Variants in GLIS3 observed in about 807,000 individuals in gnomAD.
GLIS3 encodes GLIS family zinc finger 3.
Under a neutral mutation model 78.6 loss-of-function variants are expected in GLIS3, and 53 were observed. That is an observed-to-expected ratio of 0.67 (90% CI 0.54 to 0.85). GLIS3 has a LOEUF of 0.85. Among genes scored for constraint, GLIS3 ranks in the 40% least tolerant of loss-of-function variants. GLIS3 has a pLI of 0.00. For synonymous variants in GLIS3, 684 were observed against 509.9 expected (o/e 1.34, Z -4.60); for missense variants, 1,703 against 1,231.1 (o/e 1.38, Z -5.74).
At chr9:3,832,175 C>T (rs935049629) in intron 9 of GLIS3, among the ~76,000 whole-genome samples, 1 of 149,878 alleles carries the variant, frequency 6.7e-6, no homozygotes, top group Non-Finnish European at 1.5e-5. Flanking sequence ...TTAATACTTA[C>T]ATATTATACA....
the GLIS3 span, among the ~76,000 whole-genome samples, chr9:4,368,193 C>CT: frequency 6.6e-6 from 1 of 152,200 alleles, no homozygotes; most frequent in Non-Finnish European, 1.5e-5. Flanking sequence ...AAAAGGACTT[C>CT]TTTTAATGTT....
At chr9:4,130,618 C>A (rs184055593) in intron 2 of GLIS3, among the ~76,000 whole-genome samples, 2 of 152,282 alleles carry the variant, frequency 1.3e-5, no homozygotes, top group African/African-American at 2.4e-5. Flanking sequence ...TGTAGGTGCA[C>A]GAAATGCAAG....
chr9:3,988,304 T>C (rs1588397123), intron 4 of GLIS3, among the ~76,000 whole-genome samples: 1 of 151,864 alleles, frequency 6.6e-6, no homozygotes, highest in East Asian at 1.9e-4. Context: ...AGAAAGGAAA[T>C]GATAAAAGAA....
At chr9:4,154,090 A>C (rs1278778966) in intron 2 of GLIS3, among the ~76,000 whole-genome samples, 1 of 152,212 alleles carries the variant, frequency 6.6e-6, no homozygotes, top group Admixed American at 6.5e-5. Context: ...ACATGACTTG[A>C]GCTTCCCACA....
chr9:3,831,347 T>C (rs551512813), intron 9 of GLIS3, among the ~76,000 whole-genome samples: 2 of 152,322 alleles, frequency 1.3e-5, no homozygotes, highest in South Asian at 4.1e-4. Context: ...AATACTCATA[T>C]AATTGATCAT....
chr9:4,286,712 G>A (rs954396417), intron 1 of GLIS3, among the ~76,000 whole-genome samples, 189 bp from the exon 2 acceptor site: 3 of 152,176 alleles, frequency 2.0e-5, no homozygotes, highest in South Asian at 4.1e-4. Flanking sequence ...CACTCATGGT[G>A]GACATGGATT....
the GLIS3 span, among the ~76,000 whole-genome samples, chr9:4,487,551 T>C: frequency 6.6e-6 from 1 of 152,146 alleles, no homozygotes; most frequent in Admixed American, 6.5e-5. Context: ...TGTAATTGTC[T>C]TATTACAACC....
chr9:4,395,777 C>CTTTTTTTTT, the GLIS3 span, among the ~76,000 whole-genome samples: 4 of 127,722 alleles, frequency 3.1e-5, no homozygotes, highest in Non-Finnish European at 6.7e-5. Flanking sequence ...TTCTTTTTTT[C>CTTTTTTTTT]TTTTTTTTTT....
At chr9:4,476,987 T>C in the GLIS3 span, among the ~76,000 whole-genome samples, 6 of 152,132 alleles carry the variant, frequency 3.9e-5, no homozygotes, top group African/African-American at 1.2e-4. Flanking sequence ...GTACACCTGC[T>C]ATGGAAAACA....
At chr9:4,235,260 C>G (rs1477700914) in intron 2 of GLIS3, among the ~76,000 whole-genome samples, 1 of 144,504 alleles carries the variant, frequency 6.9e-6, no homozygotes, top group African/African-American at 2.7e-5. Context: ...GATTGCACTA[C>G]TGCACTCCAG....
At chr9:4,207,391 C>T (rs1819979037) in intron 2 of GLIS3, among the ~76,000 whole-genome samples, 1 of 152,168 alleles carries the variant, frequency 6.6e-6, no homozygotes, top group African/African-American at 2.4e-5. Flanking sequence ...GATTTATGCT[C>T]CTCCACTGGA....
the GLIS3 span, among the ~76,000 whole-genome samples, chr9:4,387,073 C>T: frequency 6.6e-6 from 1 of 152,104 alleles, no homozygotes; most frequent in Non-Finnish European, 1.5e-5. Context: ...CTCTAGGCAA[C>T]AGGAAATGAA....
chr9:3,859,257 T>G (rs548099879), intron 8 of GLIS3, among the ~76,000 whole-genome samples: 1 of 152,112 alleles, frequency 6.6e-6, no homozygotes, highest in East Asian at 1.9e-4. Context: ...TAAGCAAAAA[T>G]AAACTGTTTT....
chr9:4,171,866 C>T (rs1195832534), intron 2 of GLIS3, among the ~76,000 whole-genome samples: 1 of 152,120 alleles, frequency 6.6e-6, no homozygotes. Context: ...AGAGGACTGG[C>T]TGCTAAGGAA....
intron 3 of GLIS3, among the ~76,000 whole-genome samples, chr9:4,119,458 G>C (rs1159389110): frequency 3.3e-5 from 5 of 152,148 alleles, no homozygotes; most frequent in Non-Finnish European, 5.9e-5. Context: ...GAATTACTCT[G>C]ATTTTTTTAA....
intron 2 of GLIS3, among the ~76,000 whole-genome samples, chr9:4,139,404 A>C (rs570323625): frequency 6.6e-6 from 1 of 152,360 alleles, no homozygotes; most frequent in East Asian, 1.9e-4. Context: ...AATCAAATTG[A>C]GCAGTTCCTC....
intron 2 of GLIS3, among the ~76,000 whole-genome samples, chr9:4,148,252 C>T (rs1010069974): frequency 3.3e-5 from 5 of 152,102 alleles, no homozygotes; most frequent in African/African-American, 9.7e-5. Context: ...CTGGCTACAT[C>T]GGTTTCCTTG....
intron 4 of GLIS3, among the ~76,000 whole-genome samples, chr9:4,027,035 G>A (rs1361975656): frequency 6.6e-6 from 1 of 152,136 alleles, no homozygotes; most frequent in Non-Finnish European, 1.5e-5. Context: ...AGAGAGCAAT[G>A]GGGATCCTTT....
chr9:4,172,337 G>C (rs1194690630), intron 2 of GLIS3, among the ~76,000 whole-genome samples: 1 of 152,042 alleles, frequency 6.6e-6, no homozygotes, highest in Non-Finnish European at 1.5e-5. Flanking sequence ...ACCAACACAG[G>C]TATAGGATGG....
Sources: allele counts gnomAD v4.1 joint callset (sites outside exome capture counted in the v4.1 genomes callset), GRCh38; gene constraint gnomAD v4.1.1; transcripts MANE v1.5; gene names NCBI Gene and HGNC (gene_info 2026-07-23, HGNC 2026-07-21).